XIRP2: variants seen among roughly 807,000 people sequenced by gnomAD.
XIRP2 encodes xin actin binding repeat containing 2, also known as xin actin-binding repeat-containing protein 2.
XIRP2 carries 236 observed loss-of-function variants against 277.0 expected under a neutral mutation model. The observed-to-expected ratio is 0.85, with a 90% CI of 0.77 to 0.95. The LOEUF is 0.95. Ranked by LOEUF, XIRP2 falls within the 40% of genes least tolerant of loss-of-function variation. XIRP2 has a pLI of 0.00. For missense variants in XIRP2, 4,640 were observed against 4,157.5 expected, an observed-to-expected ratio of 1.12 and a Z score of -3.19; for synonymous variants, 1,490 against 1,416.5, an observed-to-expected ratio of 1.05 and a Z score of -1.17.
chr2:166,917,338 T>A (rs1684915301), intron 2 of XIRP2, among the ~76,000 whole-genome samples: 1 of 152,184 alleles, frequency 6.6e-6, no homozygotes, highest in African/African-American at 2.4e-5. Flanking sequence ...AGAGAGGACA[T>A]CAAGAATACC....
intron 2 of XIRP2, among the ~76,000 whole-genome samples, chr2:167,067,832 A>T (rs1314025674): frequency 1.3e-5 from 2 of 152,064 alleles, no homozygotes; most frequent in Non-Finnish European, 2.9e-5. Context: ...CATTATAATA[A>T]TTTTTTCAAT....
At chr2:166,951,043 T>A (rs1346855604) in intron 2 of XIRP2, among the ~76,000 whole-genome samples, 1 of 151,828 alleles carries the variant, frequency 6.6e-6, no homozygotes, top group Non-Finnish European at 1.5e-5. Context: ...CCCAACAGTC[T>A]CCAAAGAGGC....
intron 2 of XIRP2, among the ~76,000 whole-genome samples, chr2:166,989,208 G>A (rs1289547904): frequency 3.0e-5 from 3 of 99,944 alleles, no homozygotes; most frequent in African/African-American, 1.1e-4. Flanking sequence ...CCCAGCAGGG[G>A]CACACTGACA....
intron 2 of XIRP2, among the ~76,000 whole-genome samples, chr2:166,923,780 G>A (rs1191355565): frequency 6.6e-6 from 1 of 152,048 alleles, no homozygotes; most frequent in East Asian, 1.9e-4. Context: ...TCTTCATGTT[G>A]AGTAAAGTGT....
intron 3 of XIRP2, among the ~76,000 whole-genome samples, chr2:167,193,691 A>G (rs905126065): frequency 1.3e-5 from 2 of 152,046 alleles, no homozygotes; most frequent in African/African-American, 4.8e-5. Context: ...CAGCCTAGCT[A>G]ACATGGGGAA....
chr2:167,229,705 T>C (rs953847472), intron 5 of XIRP2, among the ~76,000 whole-genome samples: 2 of 152,072 alleles, frequency 1.3e-5, no homozygotes, highest in Admixed American at 1.3e-4. Context: ...AGTTATTAAT[T>C]TGCATAATTA....
At chr2:167,114,878 T>C (rs1690854995) in intron 2 of XIRP2, among the ~76,000 whole-genome samples, 1 of 152,200 alleles carries the variant, frequency 6.6e-6, no homozygotes, top group Admixed American at 6.5e-5. Flanking sequence ...AAGTCTTTGC[T>C]ATTGTGAATA....
intron 5 of XIRP2, among the ~76,000 whole-genome samples, chr2:167,230,566 T>C (rs942244006): frequency 3.3e-5 from 5 of 152,096 alleles, no homozygotes; most frequent in African/African-American, 1.2e-4. Flanking sequence ...GTGTTAAAAA[T>C]ATTAATTCAA....
At chr2:166,929,312 G>A (rs907562023) in intron 2 of XIRP2, among the ~76,000 whole-genome samples, 1 of 152,064 alleles carries the variant, frequency 6.6e-6, no homozygotes, top group Admixed American at 6.6e-5. Flanking sequence ...TAATAATATA[G>A]TGTGTTGGAG....
At chr2:167,048,733 C>T (rs2105531139) in intron 2 of XIRP2, among the ~76,000 whole-genome samples, 1 of 152,028 alleles carries the variant, frequency 6.6e-6, no homozygotes, top group Non-Finnish European at 1.5e-5. Flanking sequence ...GTCTCCTCAG[C>T]ACTGTAAGAC....
intron 2 of XIRP2, among the ~76,000 whole-genome samples, chr2:167,011,865 T>C (rs1348023303): frequency 1.3e-5 from 2 of 152,058 alleles, no homozygotes; most frequent in Admixed American, 1.3e-4. Context: ...TGCGAAGAGG[T>C]GTTTGTAGTA....
At chr2:167,092,497 A>G (rs1243203261) in intron 2 of XIRP2, among the ~76,000 whole-genome samples, 1 of 152,124 alleles carries the variant, frequency 6.6e-6, no homozygotes, top group Non-Finnish European at 1.5e-5. Context: ...TTTTCAGTAT[A>G]AAAGTATTTT....
At chr2:167,191,185 C>CAAAAA (rs931552422) in intron 3 of XIRP2, among the ~76,000 whole-genome samples, 26 of 46,902 alleles carry the variant, frequency 5.5e-4, no homozygotes, top group African/African-American at 1.8e-3. Flanking sequence ...GACCCTGTCT[C>CAAAAA]AAAAAAAAAA....
chr2:167,189,607 C>T (rs1467051747), intron 3 of XIRP2, among the ~76,000 whole-genome samples: 2 of 152,152 alleles, frequency 1.3e-5, no homozygotes, highest in African/African-American at 2.4e-5. Context: ...AGAACGGTTA[C>T]TTCACCTTTT....
chr2:167,097,908 G>A (rs1263275442), intron 2 of XIRP2, among the ~76,000 whole-genome samples: 1 of 152,196 alleles, frequency 6.6e-6, no homozygotes, highest in Non-Finnish European at 1.5e-5. Flanking sequence ...CATTTCTGCA[G>A]AGAGATCTGC....
At chr2:167,013,647 A>G (rs185032234) in intron 2 of XIRP2, among the ~76,000 whole-genome samples, 6 of 151,694 alleles carry the variant, frequency 4.0e-5, no homozygotes, top group South Asian at 2.1e-4. Context: ...TAGATTTTCT[A>G]TTTGTCAAGG....
chr2:166,935,136 G>A (rs6432957), intron 2 of XIRP2, among the ~76,000 whole-genome samples: 84,966 of 151,952 alleles, frequency 0.56, 25,158 homozygotes, highest in African/African-American at 0.74. Flanking sequence ...TGATCCTGAA[G>A]CTGTGATTGT....
chr2:167,068,989 C>G (rs563032524), intron 2 of XIRP2, among the ~76,000 whole-genome samples: 1 of 152,172 alleles, frequency 6.6e-6, no homozygotes, highest in African/African-American at 2.4e-5. Context: ...GAGGATTTGC[C>G]CTTCCTTCTA....
chr2:167,111,416 C>T (rs1690750797), intron 2 of XIRP2, among the ~76,000 whole-genome samples: 2 of 152,170 alleles, frequency 1.3e-5, no homozygotes, highest in African/African-American at 4.8e-5. Flanking sequence ...GTCTTTTCTG[C>T]ATCTATTGAG....
Sources: allele counts gnomAD v4.1 joint callset (sites outside exome capture counted in the v4.1 genomes callset), GRCh38; gene constraint gnomAD v4.1.1; transcripts MANE v1.5; gene names NCBI Gene and HGNC (gene_info 2026-07-23, HGNC 2026-07-21).